The following ESRRB variants were observed in gnomAD, a reference collection of about 807,000 sequenced individuals.
ESRRB encodes steroid hormone receptor ERR2.
In ESRRB, 16 loss-of-function variants were observed where a neutral mutation model predicts 46.0. The ratio of observed to expected loss-of-function variants is 0.35; its 90% CI spans 0.24 to 0.53. The LOEUF is 0.53. Among genes scored for constraint, ESRRB ranks in the 20% least tolerant of loss-of-function variants. ESRRB has a pLI of 0.93. For synonymous variants in ESRRB, 246 were observed against 259.6 expected (o/e 0.95, Z 0.50); for missense variants, 488 against 607.4 (o/e 0.80, Z 2.07).
chr14:76,432,567 G>T (rs889263414), intron 1 of ESRRB, among the ~76,000 whole-genome samples: 3 of 151,910 alleles, frequency 2.0e-5, no homozygotes, highest in African/African-American at 7.3e-5. Flanking sequence ...GGTTTGGGGG[G>T]TAAAGAGGGC....
At chr14:76,374,689 TTCTGTC>T (rs1452704445), upstream of ESRRB, among the ~76,000 whole-genome samples, 1 of 152,104 alleles carries the variant, frequency 6.6e-6, no homozygotes, top group Non-Finnish European at 1.5e-5. Flanking sequence ...GCACCCCTCT[TTCTGTC>T]TCTGATGAAG....
intron 1 of ESRRB, among the ~76,000 whole-genome samples, chr14:76,324,635 G>T (rs1191778780): frequency 6.6e-6 from 1 of 152,212 alleles, no homozygotes; most frequent in Admixed American, 6.5e-5. Flanking sequence ...CAAAGACAGG[G>T]ATTCTGAAGA....
chr14:76,487,430 G>A (rs974829647), intron 5 of ESRRB, among the ~76,000 whole-genome samples: 3 of 151,736 alleles, frequency 2.0e-5, no homozygotes, highest in Non-Finnish European at 2.9e-5. Flanking sequence ...TCCACACAGA[G>A]TTCTAACTTA....
chr14:76,320,120 G>A (rs1297584047), intron 1 of ESRRB, among the ~76,000 whole-genome samples: 1 of 151,992 alleles, frequency 6.6e-6, no homozygotes, highest in African/African-American at 2.4e-5. Context: ...ATTTAAGGTG[G>A]GTAATGAGGC....
chr14:76,439,925 A>T (rs921980090), intron 2 of ESRRB, among the ~76,000 whole-genome samples, 175 bp downstream of exon 2: 7 of 152,152 alleles, frequency 4.6e-5, no homozygotes, highest in African/African-American at 1.7e-4. Flanking sequence ...GGCACTGGAC[A>T]GCTGCAAGAC....
At chr14:76,441,413 G>C (rs958036642) in intron 2 of ESRRB, among the ~76,000 whole-genome samples, 1 of 152,110 alleles carries the variant, frequency 6.6e-6, no homozygotes, top group African/African-American at 2.4e-5. Context: ...GCCCCCACAG[G>C]GCTGTTATCA....
chr14:76,367,578 G>A (rs1290029228), upstream of ESRRB, among the ~76,000 whole-genome samples: 1 of 150,956 alleles, frequency 6.6e-6, no homozygotes, highest in African/African-American at 2.4e-5. Flanking sequence ...AAAAAATCAC[G>A]CCACGAAGCA....
At chr14:76,354,859 A>G (rs542265867) in intron 1 of ESRRB, among the ~76,000 whole-genome samples, 1 of 151,676 alleles carries the variant, frequency 6.6e-6, no homozygotes, top group Admixed American at 6.6e-5. Context: ...ATAGGCATCC[A>G]CCACCACGCC....
intron 1 of ESRRB, among the ~76,000 whole-genome samples, chr14:76,431,061 C>T (rs1040133674): frequency 7.9e-5 from 12 of 152,118 alleles, no homozygotes; most frequent in Non-Finnish European, 1.2e-4. Context: ...TTTGGAAGGC[C>T]GAGGAGGGCA....
At chr14:76,432,569 A>G (rs1221513456) in intron 1 of ESRRB, among the ~76,000 whole-genome samples, 3 of 151,934 alleles carry the variant, frequency 2.0e-5, no homozygotes, top group Non-Finnish European at 2.9e-5. Context: ...TTTGGGGGGT[A>G]AAGAGGGCCT....
intron 1 of ESRRB, among the ~76,000 whole-genome samples, chr14:76,355,892 C>T (rs1036807938): frequency 5.3e-5 from 8 of 152,178 alleles, no homozygotes; most frequent in Non-Finnish European, 1.2e-4. Context: ...TCTCTCACCC[C>T]ACCCTGGCCC....
At chr14:76,396,759 G>T (rs368764141) in intron 1 of ESRRB, among the ~76,000 whole-genome samples, 1 of 152,170 alleles carries the variant, frequency 6.6e-6, no homozygotes, top group Middle Eastern at 3.2e-3. Context: ...CAGAGGCTTA[G>T]CCCGGAGGCT....
chr14:76,448,107 C>T (rs1410544387), intron 2 of ESRRB, among the ~76,000 whole-genome samples: 1 of 152,132 alleles, frequency 6.6e-6, no homozygotes, highest in Non-Finnish European at 1.5e-5. Flanking sequence ...GTTGCACCTA[C>T]TCCCAACCTC....
intron 3 of ESRRB, among the ~76,000 whole-genome samples, chr14:76,469,929 GT>G (rs769935944): frequency 0.11 from 8,369 of 78,550 alleles, 250 homozygotes; most frequent in Non-Finnish European, 0.12. Flanking sequence ...GTTTTTTGTT[GT>G]TTTTTTTTTT....
At chr14:76,441,801 G>A (rs1273598096) in intron 2 of ESRRB, among the ~76,000 whole-genome samples, 1 of 152,194 alleles carries the variant, frequency 6.6e-6, no homozygotes, top group Non-Finnish European at 1.5e-5. Flanking sequence ...CACAGAAACT[G>A]CAGACCAGAC....
In ESRRB at chr14:76,439,425, C is replaced by T. The variant is rs1473741464; in HGVS notation, c.135C>T (p.Ser45=). The change falls in exon 2 of 7, where the codon TCC becomes TCT. Residue 45 remains serine, a synonymous_variant. Coordinates refer to ENST00000644823, the MANE Select transcript of ESRRB (RefSeq NM_001379180.1). ...TCAAGACTGAGCCGTCCAGCCCGTC[C>T]TCGGGCATCGATGCCCTCAGCCACC... ...SFIKTEPSSP[S]SGIDALSHHS... is the part of the protein sequence containing the mutation. 4 of 1,613,462 alleles carry T rather than the reference C, an allele frequency of 2.5e-6. No homozygotes were observed. The highest frequency in any genetic ancestry group is 3.4e-6 in the Non-Finnish European group (4 of 1,179,924).
chr14:76,470,825 C>CT (rs1889349595), intron 3 of ESRRB, among the ~76,000 whole-genome samples: 1 of 152,088 alleles, frequency 6.6e-6, no homozygotes, highest in Non-Finnish European at 1.5e-5. Flanking sequence ...AGTAGCTGGT[C>CT]TACAGGCATG....
chr14:76,369,783 G>C (rs1325880165), upstream of ESRRB, among the ~76,000 whole-genome samples: 1 of 152,168 alleles, frequency 6.6e-6, no homozygotes, highest in East Asian at 1.9e-4. Context: ...AGGGAGACAG[G>C]CTCTGTCAAC....
chr14:76,426,316 G>T (rs981800421), intron 1 of ESRRB, among the ~76,000 whole-genome samples: 17 of 152,282 alleles, frequency 1.1e-4, no homozygotes, highest in South Asian at 2.1e-4. Context: ...CCAGATAAGG[G>T]AGTGGCTTAT....
Sources: allele counts gnomAD v4.1 joint callset (sites outside exome capture counted in the v4.1 genomes callset), GRCh38; gene constraint gnomAD v4.1.1; transcripts MANE v1.5; gene names NCBI Gene and HGNC (gene_info 2026-07-23, HGNC 2026-07-21).